FAM222A: variants seen among roughly 807,000 people sequenced by gnomAD.
The protein encoded by FAM222A is family with sequence similarity 222 member A.
In FAM222A, 7 loss-of-function variants were observed where a neutral mutation model predicts 25.8. The observed-to-expected ratio is 0.27, with a 90% CI of 0.15 to 0.51. FAM222A has a LOEUF of 0.51. FAM222A is among the 20% of genes least tolerant of loss of function. The pLI, the probability that FAM222A is intolerant of heterozygous loss-of-function variation, is 0.97. For synonymous variants in FAM222A, 294 were observed against 298.8 expected, an observed-to-expected ratio of 0.98 and a Z score of 0.17; for missense variants, 573 against 640.5, an observed-to-expected ratio of 0.89 and a Z score of 1.14.
intron 1 of FAM222A, among the ~76,000 whole-genome samples, chr12:109,739,433 G>A (rs1223441994): frequency 6.6e-6 from 1 of 152,224 alleles, no homozygotes; most frequent in Non-Finnish European, 1.5e-5. Flanking sequence ...CTCAAAAGAT[G>A]CTTGGGAAGT....
chr12:109,729,722 A>G (rs536251749), intron 1 of FAM222A, among the ~76,000 whole-genome samples: 18 of 152,252 alleles, frequency 1.2e-4, no homozygotes, highest in Non-Finnish European at 2.1e-4. Context: ...TGGGCCTGGC[A>G]CCCACCTGGA....
Position 109,769,345 on chromosome 12 carries a change from C to T in FAM222A, c.*57C>T, listed in dbSNP as rs934573779. 5.6e-5 allele frequency: 85 copies of T among 1,508,296 alleles called. 1 individual carries two copies. The highest frequency in any genetic ancestry group is 6.9e-5 in the Non-Finnish European group (77 of 1,123,768). 93.4% of individuals were successfully genotyped at this position (1,508,296 alleles called of 1,614,324 possible). A position where few individuals can be genotyped will look rare whatever the true frequency, so the allele number is the denominator to read the frequency against. Reference sequence around the variant, plus strand: ...CAGGGCGCAGAGCCGGGAGGCAGGCCGCAGAACAGGGTGGGCGGCTCGCAG... The same window carrying T: ...CAGGGCGCAGAGCCGGGAGGCAGGCTGCAGAACAGGGTGGGCGGCTCGCAG... On this transcript the variant is annotated 3_prime_UTR_variant, in exon 3 of 3. Transcript: ENST00000538780.
At chr12:109,738,922 G>C (rs1888157145) in intron 1 of FAM222A, among the ~76,000 whole-genome samples, 1 of 152,254 alleles carries the variant, frequency 6.6e-6, no homozygotes, top group South Asian at 2.1e-4. Flanking sequence ...CAGCCAGTGA[G>C]AACCCCAGTG....
chr12:109,748,599 C>T (rs945510914), intron 2 of FAM222A, among the ~76,000 whole-genome samples: 7 of 151,904 alleles, frequency 4.6e-5, no homozygotes, highest in East Asian at 1.9e-4. Flanking sequence ...TGAATGACTT[C>T]GGTAAATTAT....
intron 2 of FAM222A, among the ~76,000 whole-genome samples, chr12:109,762,875 G>A (rs937094899): frequency 3.3e-5 from 5 of 152,346 alleles, no homozygotes; most frequent in Middle Eastern, 3.4e-3. Flanking sequence ...TTCAGACAGG[G>A]ACTCCAGTGA....
At chr12:109,726,742 C>G (rs1887850630) in intron 1 of FAM222A, among the ~76,000 whole-genome samples, 1 of 152,122 alleles carries the variant, frequency 6.6e-6, no homozygotes, top group African/African-American at 2.4e-5. Context: ...TCCCGCTTCC[C>G]TAGGGGCCTG....
chr12:109,768,159 G>A lies in FAM222A; in HGVS notation c.230G>A (p.Arg77His), dbSNP rs763047907. The A allele has an allele frequency of 3.7e-5, 60 of 1,613,648 alleles. No individual in the cohort carries two copies. Among genetic ancestry groups the A allele is most frequent in the Admixed American group, 2.3e-4 (14 of 60,010 alleles). ...IRVPQHKHLSRTVNGYDTSGQ... is the reference protein window; with the variant it reads ...IRVPQHKHLSHTVNGYDTSGQ... ...GTGCCCCAGCACAAGCACCTCAGCC[G>A]CACAGTCAATGGCTATGACACCAGT... is the stretch of plus-strand genomic sequence containing the variant. The change falls in exon 3 of 3, where the codon CGC (arginine) becomes CAC (histidine). Residue 77 changes from arginine to histidine, a missense_variant. Physicochemically the swap from Arg to His is conservative, Grantham distance 29. Transcript: ENST00000538780.
At chr12:109,729,933 G>A (rs574818939) in intron 1 of FAM222A, among the ~76,000 whole-genome samples, 1 of 152,378 alleles carries the variant, frequency 6.6e-6, no homozygotes, top group Admixed American at 6.5e-5. Context: ...TAGCTGACCT[G>A]CCTGAGGCTG....
At chr12:109,742,340 G>A (rs1403516941) in intron 1 of FAM222A, among the ~76,000 whole-genome samples, 2 of 152,206 alleles carry the variant, frequency 1.3e-5, no homozygotes, top group Non-Finnish European at 2.9e-5. Flanking sequence ...CCCGCCACCT[G>A]CTCACATTCC....
At chr12:109,739,636 G>C (rs1888181760) in intron 1 of FAM222A, among the ~76,000 whole-genome samples, 1 of 152,080 alleles carries the variant, frequency 6.6e-6, no homozygotes, top group Non-Finnish European at 1.5e-5. Flanking sequence ...TCCCACAGTA[G>C]AATCAAAATG....
chr12:109,739,499 C>T (rs1257352187), intron 1 of FAM222A, among the ~76,000 whole-genome samples: 2 of 152,230 alleles, frequency 1.3e-5, no homozygotes, highest in East Asian at 1.9e-4. Flanking sequence ...GGGCTTTACT[C>T]ATCTCAGTGT....
intron 2 of FAM222A, among the ~76,000 whole-genome samples, chr12:109,753,722 C>T (rs1175654007): frequency 2.0e-5 from 3 of 148,636 alleles, no homozygotes; most frequent in Non-Finnish European, 4.5e-5. Flanking sequence ...CCCCGCCCTA[C>T]AGACCCTCAG....
intron 2 of FAM222A, among the ~76,000 whole-genome samples, chr12:109,755,381 C>T (rs984549245): frequency 2.2e-5 from 3 of 137,882 alleles, no homozygotes; most frequent in Non-Finnish European, 3.0e-5. Flanking sequence ...GGCGCAATCT[C>T]GGCTCACCGC....
intron 2 of FAM222A, chr12:109,744,825 T>C (rs1888350186): frequency 1.0e-6 from 1 of 974,608 alleles, no homozygotes. Flanking sequence ...CTACTATCTC[T>C]TGAAAAAAAC....
chr12:109,726,395 T>C (rs1887843984), intron 1 of FAM222A, among the ~76,000 whole-genome samples: 1 of 152,144 alleles, frequency 6.6e-6, no homozygotes, highest in Non-Finnish European at 1.5e-5. Context: ...CCTGTGAGGG[T>C]GAGCTGCCCC....
intron 2 of FAM222A, among the ~76,000 whole-genome samples, chr12:109,746,759 C>T (rs1398119786): frequency 6.6e-6 from 1 of 152,054 alleles, no homozygotes; most frequent in African/African-American, 2.4e-5. Context: ...AGAAGAAAAC[C>T]GACACCCATC....
intron 1 of FAM222A, among the ~76,000 whole-genome samples, chr12:109,740,685 C>T (rs1314376663): frequency 1.3e-5 from 2 of 152,186 alleles, no homozygotes; most frequent in East Asian, 3.8e-4. Context: ...TGACAATAAC[C>T]AATTCATTGA....
At chr12:109,761,323 C>T (rs939435610) in intron 2 of FAM222A, among the ~76,000 whole-genome samples, 1 of 152,120 alleles carries the variant, frequency 6.6e-6, no homozygotes, top group South Asian at 2.1e-4. Context: ...CACGGGAGTA[C>T]GAGGAGCTTT....
intron 2 of FAM222A, among the ~76,000 whole-genome samples, chr12:109,754,338 A>C (rs915061690): frequency 6.6e-6 from 1 of 152,216 alleles, no homozygotes. Flanking sequence ...CCAAGAGATC[A>C]GCCTGGCCAA....
Sources: gnomAD v4.1 joint callset for allele counts (sites outside exome capture counted in the v4.1 genomes callset) on GRCh38, gnomAD v4.1.1 for gene constraint, MANE v1.5 for transcripts, NCBI Gene and HGNC (gene_info 2026-07-23, HGNC 2026-07-21) for gene names.